UXS1: variants seen among roughly 807,000 people sequenced by gnomAD.
UXS1 encodes the protein UDP-glucuronic acid decarboxylase 1.
Under a neutral mutation model 62.6 loss-of-function variants are expected in UXS1, and 33 were observed. That is an observed-to-expected ratio of 0.53 (90% CI 0.40 to 0.70). The LOEUF is 0.70. Among genes scored for constraint, UXS1 ranks in the 30% least tolerant of loss-of-function variants. The probability of loss-of-function intolerance (pLI) is 0.00; values close to 1 mark genes in which losing one functional copy is unlikely to be tolerated. For missense variants in UXS1, 434 were observed against 556.3 expected, an observed-to-expected ratio of 0.78 and a Z score of 2.21; for synonymous variants, 213 against 206.8, an observed-to-expected ratio of 1.03 and a Z score of -0.26.
At chr2:106,167,697 G>C (rs1473526710) in intron 1 of UXS1, among the ~76,000 whole-genome samples, 1 of 152,096 alleles carries the variant, frequency 6.6e-6, no homozygotes, top group Non-Finnish European at 1.5e-5. Context: ...CTATTAACTA[G>C]ATTCATTATT....
intron 11 of UXS1, chr2:106,102,512 A>C (rs1280928977): frequency 6.6e-6 from 1 of 152,186 alleles, no homozygotes; most frequent in African/African-American, 2.4e-5. Context: ...GAAGCTCTTT[A>C]CAAGTGTCAT....
chr2:106,122,902 A>C, intron 9 of UXS1, 68 bp downstream of exon 9: 2 of 1,581,112 alleles, frequency 1.3e-6, no homozygotes, highest in Non-Finnish European at 8.6e-7. Flanking sequence ...ATTCCTTTAC[A>C]ACACTTTACA....
At chr2:106,185,793 T>C (rs1410133848) in intron 1 of UXS1, among the ~76,000 whole-genome samples, 1 of 152,090 alleles carries the variant, frequency 6.6e-6, no homozygotes, top group Non-Finnish European at 1.5e-5. Context: ...CCAGGAGAGA[T>C]TTAGCAGACA....
Position 106,112,769 on chromosome 2 carries a change from G to A in UXS1, c.760-4C>T, listed in dbSNP as rs372444804. On this transcript the variant is annotated splice_polypyrimidine_tract_variant and splice_region_variant and intron_variant, in intron 9 of 14. Coordinates refer to ENST00000283148, the MANE Select transcript of UXS1 (RefSeq NM_001253875.2). ...CCACTCGCACTTCCACGCCTTCCTG[G>A]AACAGAGAGAAGAGGAGGTCAGGTG... 64 of 1,612,784 alleles carry A rather than the reference G, an allele frequency of 4.0e-5. No homozygotes were observed. The highest frequency in any genetic ancestry group is 3.5e-4 in the Admixed American group (21 of 59,920).
At chr2:106,179,783 T>C (rs1279124170) in intron 1 of UXS1, among the ~76,000 whole-genome samples, 2 of 152,202 alleles carry the variant, frequency 1.3e-5, no homozygotes, top group South Asian at 2.1e-4. Flanking sequence ...TGTGCAACCA[T>C]AGATTCATGA....
chr2:106,147,549 C>A (rs1183354274), intron 5 of UXS1, among the ~76,000 whole-genome samples: 1 of 152,138 alleles, frequency 6.6e-6, no homozygotes, highest in Non-Finnish European at 1.5e-5. Context: ...TGCCACTGCA[C>A]TCCAGCCTGT....
intron 1 of UXS1, among the ~76,000 whole-genome samples, chr2:106,187,470 C>T (rs1446143753): frequency 6.6e-6 from 1 of 152,146 alleles, no homozygotes; most frequent in Non-Finnish European, 1.5e-5. Context: ...GGGCAATTGC[C>T]GATCATGTGG....
intron 10 of UXS1, 75 bp downstream of exon 10, chr2:106,112,571 A>T (rs756445185): frequency 7.6e-5 from 120 of 1,570,558 alleles, no homozygotes; most frequent in Non-Finnish European, 1.0e-4. Flanking sequence ...ACCAAGATGC[A>T]CTTATCCCTC....
intron 6 of UXS1, among the ~76,000 whole-genome samples, chr2:106,143,228 G>T (rs1681268575): frequency 6.6e-6 from 1 of 151,294 alleles, no homozygotes. Context: ...CTAACAGGGT[G>T]AAACCCCGTC....
intron 6 of UXS1, among the ~76,000 whole-genome samples, chr2:106,143,788 T>C (rs1236330638): frequency 2.6e-5 from 4 of 152,200 alleles, no homozygotes; most frequent in South Asian, 4.1e-4. Flanking sequence ...CTCCCGCACA[T>C]GGCTCCTTCA....
At chr2:106,169,027 A>G (rs1683379596) in intron 1 of UXS1, among the ~76,000 whole-genome samples, 1 of 152,174 alleles carries the variant, frequency 6.6e-6, no homozygotes, top group South Asian at 2.1e-4. Context: ...AGAGATTTTA[A>G]CCCTTACTAA....
At chr2:106,119,556 G>A (rs1181364740) in intron 9 of UXS1, among the ~76,000 whole-genome samples, 2 of 152,178 alleles carry the variant, frequency 1.3e-5, no homozygotes, top group South Asian at 2.1e-4. Context: ...CAGCAGGCAC[G>A]CAGAGCATCC....
intron 1 of UXS1, among the ~76,000 whole-genome samples, chr2:106,179,965 C>T (rs1316061970): frequency 3.9e-5 from 6 of 151,958 alleles, no homozygotes; most frequent in African/African-American, 1.5e-4. Context: ...CAAAATTAGC[C>T]GGGCATGGTG....
chr2:106,140,627 G>T (rs569391121), intron 6 of UXS1, among the ~76,000 whole-genome samples: 1 of 145,622 alleles, frequency 6.9e-6, no homozygotes, highest in Admixed American at 7.4e-5. Flanking sequence ...GTAATGGAAA[G>T]GGCTCCATGC....
intron 1 of UXS1, among the ~76,000 whole-genome samples, chr2:106,191,505 T>G (rs1684933778): frequency 1.3e-5 from 2 of 152,234 alleles, no homozygotes; most frequent in Admixed American, 1.3e-4. Flanking sequence ...TGCTCCTTAT[T>G]AACACTGCCT....
chr2:106,107,803 G>A (rs1416569890), intron 10 of UXS1, among the ~76,000 whole-genome samples: 4 of 152,186 alleles, frequency 2.6e-5, no homozygotes, highest in East Asian at 1.9e-4. Context: ...AGCCAGCACC[G>A]ACACAAGGTT....
chr2:106,122,770 G>A (rs1456522289), intron 9 of UXS1, among the ~76,000 whole-genome samples, 200 bp downstream of exon 9: 1 of 152,116 alleles, frequency 6.6e-6, no homozygotes, highest in African/African-American at 2.4e-5. Context: ...TTGATCTCTA[G>A]GAAATCATTT....
chr2:106,103,146 C>G (rs1677732818), intron 11 of UXS1, among the ~76,000 whole-genome samples: 1 of 152,218 alleles, frequency 6.6e-6, no homozygotes, highest in Admixed American at 6.5e-5. Flanking sequence ...TGCATTTTGT[C>G]CTGAGCTGGG....
Position 106,191,011 on chromosome 2 carries a change from A to G in UXS1, c.94+3137T>C, listed in dbSNP as rs76149920. 4.1e-3 allele frequency among the ~76,000 whole-genome samples: 625 copies of G among 152,258 alleles called. 5 individuals carry two copies. Among genetic ancestry groups the G allele is most frequent in the Non-Finnish European group, 7.2e-3 (492 of 68,020 alleles). ...TGTTTCAAGGGCTGAAACACATAAGACACAATCCCTGTCCTCAGAATCGGG... is the reference window on the plus strand; with the variant it reads ...TGTTTCAAGGGCTGAAACACATAAGGCACAATCCCTGTCCTCAGAATCGGG... On this transcript the variant is annotated intron_variant, in intron 1 of 14. Transcript: ENST00000283148.
Sources: allele counts gnomAD v4.1 joint callset (sites outside exome capture counted in the v4.1 genomes callset), GRCh38; gene constraint gnomAD v4.1.1; transcripts MANE v1.5; gene names NCBI Gene and HGNC (gene_info 2026-07-23, HGNC 2026-07-21).